Variants in GABARAPL2 observed in about 807,000 individuals in gnomAD.
GABARAPL2 encodes GABA type A receptor associated protein like 2, also known as gamma-aminobutyric acid receptor-associated protein-like 2.
GABARAPL2 carries 11 observed loss-of-function variants against 16.9 expected under a neutral mutation model. That is an observed-to-expected ratio of 0.65 (90% confidence interval 0.41 to 1.08). GABARAPL2 has a LOEUF of 1.08. Among genes scored for constraint, GABARAPL2 ranks in the 50% least tolerant of loss-of-function variants. GABARAPL2 has a pLI of 0.00. For missense variants in GABARAPL2, 134 were observed against 142.5 expected (o/e 0.94, Z 0.30); for synonymous variants, 57 against 50.7 (o/e 1.12, Z -0.53).
chr16:75,570,826 T>C (rs774952425), intron 3 of GABARAPL2, among the ~76,000 whole-genome samples: 4 of 152,234 alleles, frequency 2.6e-5, no homozygotes, highest in Non-Finnish European at 4.4e-5. Flanking sequence ...CATTGGAAAG[T>C]TGAATTCTCT....
chr16:75,577,394 C>A lies in GABARAPL2; in HGVS notation c.*25C>A. 1 of 1,344,854 alleles carries A rather than the reference C, an allele frequency of 7.4e-7. No homozygotes were observed. Among genetic ancestry groups the A allele is most frequent in the Non-Finnish European group, 1.1e-6 (1 of 934,048 alleles). 83.3% of individuals were successfully genotyped at this position (1,344,854 alleles called of 1,614,324 possible). On this transcript the variant is annotated 3_prime_UTR_variant, in exon 4 of 4. Coordinates refer to ENST00000037243, the MANE Select transcript of GABARAPL2 (RefSeq NM_007285.7). Reference sequence around the variant, plus strand: ...AGGGCCATTGCTGGGCTAGGTGCACCGTAACTGCTTGTGTATCTTGTAAAT... The same window carrying A: ...AGGGCCATTGCTGGGCTAGGTGCACAGTAACTGCTTGTGTATCTTGTAAAT...
At chr16:75,572,489 T>C (rs3743605) in intron 3 of GABARAPL2, 26,558 of 152,346 alleles carry the variant, frequency 0.17, 4,131 homozygotes, top group East Asian at 0.76. Context: ...TGGGCATCCA[T>C]ACAGTTCTAG....
intron 3 of GABARAPL2, among the ~76,000 whole-genome samples, chr16:75,569,992 T>G (rs867203903): frequency 1.3e-4 from 20 of 152,194 alleles, no homozygotes; most frequent in African/African-American, 4.3e-4. Context: ...GGATTTAGAG[T>G]CACCAGCTAG....
intron 3 of GABARAPL2, among the ~76,000 whole-genome samples, chr16:75,571,189 C>A (rs1379125959): frequency 6.6e-6 from 1 of 152,172 alleles, no homozygotes; most frequent in Non-Finnish European, 1.5e-5. Flanking sequence ...GAGAAGTCCT[C>A]CTACCTCACC....
chr16:75,575,899 A>G (rs551020288), intron 3 of GABARAPL2: 1 of 152,282 alleles, frequency 6.6e-6, no homozygotes, highest in South Asian at 2.1e-4. Flanking sequence ...AAATTGAGCT[A>G]TTTTGCTGCA....
intron 3 of GABARAPL2, among the ~76,000 whole-genome samples, chr16:75,568,612 T>G (rs563998432): frequency 1.3e-5 from 2 of 152,378 alleles, no homozygotes; most frequent in African/African-American, 4.8e-5. Flanking sequence ...TCATCCAGTT[T>G]GCTTGCTCCC....
chr16:75,574,787 G>C (rs1205734541), intron 3 of GABARAPL2, among the ~76,000 whole-genome samples: 1 of 151,804 alleles, frequency 6.6e-6, no homozygotes, highest in African/African-American at 2.4e-5. Context: ...ATACTGATGA[G>C]GCCGGACACG....
At chr16:75,572,079 T>G (rs1407759096) in intron 3 of GABARAPL2, 1 of 152,192 alleles carries the variant, frequency 6.6e-6, no homozygotes, top group African/African-American at 2.4e-5. Context: ...GGAGAATCGC[T>G]TGAAGCTGGG....
At chr16:75,571,973 C>T (rs543987657) in intron 3 of GABARAPL2, among the ~76,000 whole-genome samples, 1 of 152,002 alleles carries the variant, frequency 6.6e-6, no homozygotes, top group African/African-American at 2.4e-5. Flanking sequence ...CCACTGCTCC[C>T]GGCCTAGTTG....
intron 2 of GABARAPL2, 108 bp downstream of exon 2, chr16:75,567,015 T>G (rs2080888194): frequency 1.0e-6 from 1 of 968,742 alleles, no homozygotes; most frequent in African/African-American, 1.6e-5. Context: ...CAGTCCCAGT[T>G]ACAGTAGCTG....
intron 3 of GABARAPL2, among the ~76,000 whole-genome samples, chr16:75,569,720 T>G (rs563204752): frequency 6.6e-6 from 1 of 152,332 alleles, no homozygotes; most frequent in African/African-American, 2.4e-5. Flanking sequence ...TTAAGATTAC[T>G]CAGATGGCTC....
chr16:75,573,873 C>T (rs967718790), intron 3 of GABARAPL2, among the ~76,000 whole-genome samples: 1 of 152,158 alleles, frequency 6.6e-6, no homozygotes, highest in African/African-American at 2.4e-5. Context: ...GTTTTCCTAT[C>T]TAGGAACTAT....
intron 3 of GABARAPL2, chr16:75,575,633 GTAGAGACGGGGTTTCACCGTTGT>G (rs1567446498): frequency 6.6e-6 from 1 of 152,242 alleles, no homozygotes; most frequent in Non-Finnish European, 1.5e-5. Context: ...GTATTTTTTA[GTAGAGACGGGGTTTCACCGTTGT>G]TAGCCAGGAT....
At position 75,566,445 on chromosome 16, in the gene GABARAPL2, C is replaced by T; in HGVS notation, c.-42C>T. On this transcript the variant is annotated 5_prime_UTR_variant, in exon 1 of 4. Transcript: ENST00000037243. Reference sequence around the variant, plus strand: ...TTGTTGTGCTCGGTGCGCTGAGCTCCGCGGCTCCGCGAGCCGGTTCCGTCC... The same window carrying T: ...TTGTTGTGCTCGGTGCGCTGAGCTCTGCGGCTCCGCGAGCCGGTTCCGTCC... The T allele has an allele frequency of 2.0e-6, 3 of 1,487,748 alleles. No individual in the cohort carries two copies. The East Asian group carries it at 7.2e-5, about 36-fold the overall frequency. 92.2% of individuals were successfully genotyped at this position (1,487,748 alleles called of 1,614,324 possible).
chr16:75,572,305 C>G (rs2080919952), intron 3 of GABARAPL2: 1 of 152,274 alleles, frequency 6.6e-6, no homozygotes, highest in East Asian at 1.9e-4. Flanking sequence ...CCTCCCACCA[C>G]CCATCCTGCC....
chr16:75,577,259 T>G lies in GABARAPL2; in HGVS notation c.264-20T>G, dbSNP rs1270399662. 3 of 1,523,784 alleles carry G rather than the reference T, an allele frequency of 2.0e-6. No individual in the cohort carries two copies. Among genetic ancestry groups the G allele is most frequent in the African/African-American group, 2.7e-5 (2 of 73,236 alleles). The allele number at this position is 1,523,784 out of a possible 1,614,324, so 94.4% of individuals were successfully genotyped here. ...CCTGGACTCCAATTTTCAATGACGT[T>G]TTTGTTTTTCTCTTTCAAGCCTAAC... On this transcript the variant is annotated intron_variant, in intron 3 of 3. Transcript: ENST00000037243.
intron 3 of GABARAPL2, among the ~76,000 whole-genome samples, chr16:75,571,136 G>C (rs1189111831): frequency 6.6e-6 from 1 of 152,174 alleles, no homozygotes; most frequent in Non-Finnish European, 1.5e-5. Context: ...CTGGAGTGCA[G>C]TGGCACAGTC....
intron 3 of GABARAPL2, among the ~76,000 whole-genome samples, chr16:75,571,440 C>T (rs1453201547): frequency 3.3e-5 from 5 of 152,170 alleles, no homozygotes; most frequent in East Asian, 3.8e-4. Context: ...TGCTTCAAGG[C>T]CATTTTCTCT....
intron 3 of GABARAPL2, chr16:75,576,212 C>G (rs2080948506): frequency 1.3e-5 from 2 of 152,226 alleles, no homozygotes; most frequent in Admixed American, 1.3e-4. Context: ...CATCTACCCA[C>G]ACAGCCATCC....
Sources: allele counts gnomAD v4.1 joint callset (sites outside exome capture counted in the v4.1 genomes callset), GRCh38; gene constraint gnomAD v4.1.1; transcripts MANE v1.5; gene names NCBI Gene and HGNC (gene_info 2026-07-23, HGNC 2026-07-21).